EFNA5: variants seen among roughly 807,000 people sequenced by gnomAD.
EFNA5 encodes ephrin A5, also known as ephrin-A5.
A neutral mutation model predicts 22.9 loss-of-function variants in EFNA5; 5 were observed. The observed-to-expected ratio is 0.22, with a 90% CI of 0.11 to 0.46. The LOEUF (loss-of-function observed/expected upper bound fraction) is 0.46, where lower values mean the gene tolerates loss of function less well. Ranked by LOEUF, EFNA5 falls within the 20% of genes least tolerant of loss-of-function variation. EFNA5 has a pLI of 0.99. For missense variants in EFNA5, 237 were observed against 293.3 expected (o/e 0.81, Z 1.40); for synonymous variants, 113 against 112.2 (o/e 1.01, Z -0.04).
chr5:107,645,986 C>T (rs1347193901), intron 1 of EFNA5, among the ~76,000 whole-genome samples: 1 of 152,164 alleles, frequency 6.6e-6, no homozygotes, highest in African/African-American at 2.4e-5. Flanking sequence ...GGATAAGGAT[C>T]TATTTACACT....
At chr5:107,657,887 ATCT>A (rs1303332182) in intron 1 of EFNA5, among the ~76,000 whole-genome samples, 2 of 152,154 alleles carry the variant, frequency 1.3e-5, no homozygotes, top group Non-Finnish European at 2.9e-5. Context: ...ACGCAGAGTA[ATCT>A]TCTGAATTTA....
At chr5:107,399,544 G>A (rs1748031705) in intron 2 of EFNA5, among the ~76,000 whole-genome samples, 1 of 152,168 alleles carries the variant, frequency 6.6e-6, no homozygotes, top group Admixed American at 6.6e-5. Context: ...AAAGCAAAGT[G>A]AGATTAGAAT....
chr5:107,651,819 C>A (rs1750741571), intron 1 of EFNA5, among the ~76,000 whole-genome samples: 1 of 152,044 alleles, frequency 6.6e-6, no homozygotes, highest in South Asian at 2.1e-4. Context: ...ACAAATGAAG[C>A]CTAATTTGAA....
chr5:107,541,113 A>G (rs1242096278), intron 1 of EFNA5, among the ~76,000 whole-genome samples: 1 of 152,170 alleles, frequency 6.6e-6, no homozygotes, highest in Non-Finnish European at 1.5e-5. Flanking sequence ...TCTCAAAAAA[A>G]GAAGGAAGAA....
intron 1 of EFNA5, among the ~76,000 whole-genome samples, chr5:107,433,765 G>A (rs1284402913): frequency 2.0e-5 from 3 of 152,056 alleles, no homozygotes; most frequent in Admixed American, 2.0e-4. Context: ...GCCAGGCATA[G>A]TAGTGTGTGC....
intron 1 of EFNA5, among the ~76,000 whole-genome samples, chr5:107,431,535 G>A (rs1748959357): frequency 6.6e-6 from 1 of 152,140 alleles, no homozygotes; most frequent in African/African-American, 2.4e-5. Context: ...ATTTAAAGAT[G>A]AGGAAATTGA....
At position 107,466,418 on chromosome 5, in the gene EFNA5, T is replaced by A. The variant is rs138168175; in HGVS notation, c.126-38909A>T. ...GAGCGGAAATGCTGGGAAAGGTTTC[T>A]CTCTCCCAGACTCCCTTCTCCACTC... On this transcript the variant is annotated intron_variant, in intron 1 of 4. Coordinates refer to ENST00000333274, the MANE Select transcript of EFNA5 (RefSeq NM_001962.3). Among the ~76,000 whole-genome samples the A allele has an allele frequency of 2.2e-3, 330 of 152,158 alleles. 1 individual carries two copies. Among genetic ancestry groups the A allele is most frequent in the African/African-American group, 7.0e-3 (289 of 41,534 alleles).
chr5:107,425,570 C>T (rs1348583708), intron 2 of EFNA5, among the ~76,000 whole-genome samples: 2 of 152,170 alleles, frequency 1.3e-5, no homozygotes, highest in African/African-American at 4.8e-5. Flanking sequence ...CACTGTATGC[C>T]AGTGCTTCCT....
At chr5:107,646,786 A>C (rs1386044618) in intron 1 of EFNA5, among the ~76,000 whole-genome samples, 3 of 152,316 alleles carry the variant, frequency 2.0e-5, no homozygotes, top group Non-Finnish European at 2.9e-5. Context: ...AGTGGTTCTT[A>C]ATATAGAATG....
intron 1 of EFNA5, among the ~76,000 whole-genome samples, chr5:107,532,788 G>A (rs1747842521): frequency 6.6e-6 from 1 of 152,166 alleles, no homozygotes; most frequent in Non-Finnish European, 1.5e-5. Flanking sequence ...AATGCCATGT[G>A]AAGCAGAGAA....
intron 1 of EFNA5, among the ~76,000 whole-genome samples, chr5:107,484,858 C>A: frequency 6.7e-6 from 1 of 149,118 alleles, no homozygotes; most frequent in Non-Finnish European, 1.5e-5. Context: ...CAGTAATTAC[C>A]CAATTCAGAT....
intron 1 of EFNA5, among the ~76,000 whole-genome samples, chr5:107,593,881 C>G (rs1167362909): frequency 1.3e-5 from 2 of 152,190 alleles, no homozygotes; most frequent in Non-Finnish European, 2.9e-5. Context: ...CATCTTCTTT[C>G]CACCTGAAAA....
chr5:107,659,777 C>T (rs987904901), intron 1 of EFNA5, among the ~76,000 whole-genome samples: 3 of 151,812 alleles, frequency 2.0e-5, no homozygotes, highest in Non-Finnish European at 4.4e-5. Context: ...TTCAAAATAA[C>T]GAGATATTCA....
intron 1 of EFNA5, among the ~76,000 whole-genome samples, chr5:107,623,807 C>A (rs941719353): frequency 1.3e-5 from 2 of 151,572 alleles, no homozygotes; most frequent in Non-Finnish European, 2.9e-5. Context: ...TCTCCAGTCA[C>A]CCAAAAAATG....
chr5:107,549,429 G>A (rs548374733), intron 1 of EFNA5, among the ~76,000 whole-genome samples: 6 of 152,324 alleles, frequency 3.9e-5, no homozygotes, highest in African/African-American at 1.2e-4. Context: ...GTAAGGAAGT[G>A]GATGCTCATA....
At chr5:107,564,508 C>G (rs564924551) in intron 1 of EFNA5, among the ~76,000 whole-genome samples, 1 of 152,196 alleles carries the variant, frequency 6.6e-6, no homozygotes, top group Non-Finnish European at 1.5e-5. Flanking sequence ...GTATTGTATT[C>G]CCCAAAAGCA....
At chr5:107,504,709 A>G (rs1025765252) in intron 1 of EFNA5, among the ~76,000 whole-genome samples, 2 of 152,198 alleles carry the variant, frequency 1.3e-5, no homozygotes, top group Admixed American at 6.5e-5. Context: ...ATTTGGTAGG[A>G]GTACATGAAA....
intron 1 of EFNA5, among the ~76,000 whole-genome samples, chr5:107,502,312 C>T (rs962483206): frequency 1.3e-5 from 2 of 152,330 alleles, no homozygotes; most frequent in South Asian, 2.1e-4. Context: ...AGACCAGTCT[C>T]GTCTTAGCCA....
At chr5:107,623,026 TCAAAAAAAAAA>T (rs1434404067) in intron 1 of EFNA5, among the ~76,000 whole-genome samples, 1 of 16,150 alleles carries the variant, frequency 6.2e-5, no homozygotes, top group East Asian at 1.9e-3. Flanking sequence ...AGACTCCGTC[TCAAAAAAAAAA>T]AAAAAAAAAA....
Sources: allele counts gnomAD v4.1 joint callset (sites outside exome capture counted in the v4.1 genomes callset), GRCh38; gene constraint gnomAD v4.1.1; transcripts MANE v1.5; gene names NCBI Gene and HGNC (gene_info 2026-07-23, HGNC 2026-07-21).